The following IQSEC3 variants were observed in gnomAD, a reference collection of about 807,000 sequenced individuals.
The protein encoded by IQSEC3 is IQ motif and SEC7 domain-containing protein 3.
IQSEC3 carries 50 observed loss-of-function variants against 105.4 expected under a neutral mutation model. The observed-to-expected ratio is 0.47, with a 90% CI of 0.38 to 0.60. IQSEC3 has a LOEUF of 0.60. Ranked by LOEUF, IQSEC3 falls within the 20% of genes least tolerant of loss-of-function variation. The pLI, the probability that IQSEC3 is intolerant of heterozygous loss-of-function variation, is 0.00. For missense variants in IQSEC3, 1,415 were observed against 1,630.0 expected (o/e 0.87, Z 2.27); for synonymous variants, 708 against 746.0 (o/e 0.95, Z 0.83).
intron 2 of IQSEC3, among the ~76,000 whole-genome samples, chr12:110,826 A>G (rs1289641768): frequency 6.6e-6 from 1 of 152,176 alleles, no homozygotes; most frequent in East Asian, 1.9e-4. Context: ...TCACAAACCC[A>G]ACAAACCCAA....
intron 3 of IQSEC3, among the ~76,000 whole-genome samples, chr12:129,380 A>G (rs1198529665): frequency 6.6e-6 from 1 of 152,218 alleles, no homozygotes; most frequent in Non-Finnish European, 1.5e-5. Flanking sequence ...GAATGAAGGC[A>G]CAAGTGAATG....
chr12:153,537 A>G (rs1353091241), intron 5 of IQSEC3, among the ~76,000 whole-genome samples: 1 of 152,206 alleles, frequency 6.6e-6, no homozygotes, highest in Non-Finnish European at 1.5e-5. Context: ...CCTCCCTTCC[A>G]GCTAGGGATT....
At chr12:126,796 G>A (rs11064599) in intron 3 of IQSEC3, among the ~76,000 whole-genome samples, 65,219 of 152,010 alleles carry the variant, frequency 0.43, 14,112 homozygotes, top group Non-Finnish European at 0.44. Flanking sequence ...GTAGGTTCTA[G>A]AGAACAATTC....
chr12:165,801 C>A lies in IQSEC3; in HGVS notation c.2882C>A (p.Ala961Asp). ...SEKKQVLHFC[A>D]LGSDEMQKFV... Reference sequence around the variant, plus strand: ...AAGAAGCAGGTGCTGCATTTCTGTGCCCTGGGCTCGGACGAGATGCAGAAG... The same window carrying A: ...AAGAAGCAGGTGCTGCATTTCTGTGACCTGGGCTCGGACGAGATGCAGAAG... The change falls in exon 11 of 14, where the codon GCC becomes GAC. Residue 961 changes from alanine to aspartate, a missense_variant. By Grantham distance (126) the Ala-to-Asp change is moderately radical. Coordinates refer to ENST00000538872, the MANE Select transcript of IQSEC3 (RefSeq NM_001170738.2). 1 of 1,614,038 alleles carries A rather than the reference C, an allele frequency of 6.2e-7. No homozygotes were observed. The highest frequency in any genetic ancestry group is 8.5e-7 in the Non-Finnish European group (1 of 1,180,038).
intron 2 of IQSEC3, among the ~76,000 whole-genome samples, chr12:113,041 C>T (rs1223838299): frequency 6.6e-6 from 1 of 152,150 alleles, no homozygotes. Flanking sequence ...TCGTCTTGGG[C>T]AGTGCGGCCT....
chr12:139,135 C>G lies in IQSEC3; in HGVS notation c.1772C>G (p.Ala591Gly). The G allele has an allele frequency of 6.6e-7, 1 of 1,524,450 alleles. No homozygotes were observed. Among genetic ancestry groups the G allele is most frequent in the Non-Finnish European group, 8.8e-7 (1 of 1,133,598 alleles). The allele number at this position is 1,524,450 out of a possible 1,614,324, so 94.4% of individuals were successfully genotyped here. A position where few individuals can be genotyped will look rare whatever the true frequency, so the allele number is the denominator to read the frequency against. The change falls in exon 4 of 14, where the codon GCA (alanine) becomes GGA (glycine). Residue 591 changes from alanine to glycine, a missense_variant. By Grantham distance (60) the Ala-to-Gly change is moderately conservative (BLOSUM62 0). Coordinates refer to ENST00000538872, the MANE Select transcript of IQSEC3 (RefSeq NM_001170738.2). ...GTGGGGAGAGGGGCCGAGGCCGAGG[C>G]AGGCGACTTGGAGCAGCTGAGCAGC... ...AEVGRGAEAE[A>G]GDLEQLSSSS...
intron 2 of IQSEC3, among the ~76,000 whole-genome samples, chr12:121,004 A>C (rs1555081785): frequency 3.9e-5 from 6 of 152,106 alleles, no homozygotes. Flanking sequence ...TGCCACTCGG[A>C]ATGTTTCTGC....
chr12:161,133 T>G (rs1375964167), intron 7 of IQSEC3, among the ~76,000 whole-genome samples: 2 of 152,194 alleles, frequency 1.3e-5, no homozygotes, highest in East Asian at 1.9e-4. Context: ...GGGTGTCCTT[T>G]CAGTAGCTGG....
intron 13 of IQSEC3, among the ~76,000 whole-genome samples, chr12:172,418 A>AGCCCT (rs1174610663): frequency 1.3e-5 from 2 of 151,722 alleles, no homozygotes; most frequent in Non-Finnish European, 2.9e-5. Context: ...CTGTTCTGCC[A>AGCCCT]GCCCTGCCCT....
chr12:72,491 C>T (rs1277527438), intron 1 of IQSEC3, among the ~76,000 whole-genome samples: 8 of 139,402 alleles, frequency 5.7e-5, no homozygotes, highest in Admixed American at 5.1e-4. Flanking sequence ...TCTCAGTGGC[C>T]CTGGGCACAG....
At chr12:79,243 C>G (rs1238915253) in intron 1 of IQSEC3, among the ~76,000 whole-genome samples, 14 of 151,952 alleles carry the variant, frequency 9.2e-5, no homozygotes, top group African/African-American at 3.1e-4. Context: ...CCCCGCCTAG[C>G]TTTGGATGGT....
intron 3 of IQSEC3, among the ~76,000 whole-genome samples, chr12:136,683 C>T (rs977333449): frequency 3.3e-5 from 5 of 152,150 alleles, no homozygotes; most frequent in East Asian, 1.9e-4. Flanking sequence ...CCCGATTCTT[C>T]GTTCATTCGG....
rs1865365212 is a variant in IQSEC3, at chr12:125,661, G to A, written c.652G>A (p.Gly218Ser). The change falls in exon 3 of 14, where the codon GGC (glycine) becomes AGC (serine). Residue 218 changes from glycine to serine, a missense_variant. Physicochemically the swap from Gly to Ser is moderately conservative, Grantham distance 56. Coordinates refer to ENST00000538872, the MANE Select transcript of IQSEC3 (RefSeq NM_001170738.2). Reference sequence around the variant, plus strand: ...TGGCTCCTGCACCCAGGCCGGTGGGGGCATGGAGGACTCCGTGGTGGCAGC... The same window carrying A: ...TGGCTCCTGCACCCAGGCCGGTGGGAGCATGGAGGACTCCGTGGTGGCAGC... The part of the protein sequence containing the change: ...SDGSCTQAGG[G>S]MEDSVVAAAA... 2 of 1,533,798 alleles carry A rather than the reference G, an allele frequency of 1.3e-6. No individual in the cohort carries two copies. Among genetic ancestry groups the A allele is most frequent in the Non-Finnish European group, 1.7e-6 (2 of 1,152,200 alleles).
chr12:124,969 C>T (rs997923874), intron 2 of IQSEC3, among the ~76,000 whole-genome samples: 4 of 152,102 alleles, frequency 2.6e-5, no homozygotes, highest in Non-Finnish European at 5.9e-5. Flanking sequence ...GGGCAGGAAG[C>T]CTCCTCTTCA....
At chr12:150,577 C>T (rs1044223793) in intron 5 of IQSEC3, among the ~76,000 whole-genome samples, 9 of 152,130 alleles carry the variant, frequency 5.9e-5, no homozygotes, top group Non-Finnish European at 1.2e-4. Flanking sequence ...GCCAAGAAGA[C>T]GGTGTTTCCA....
intron 1 of IQSEC3, among the ~76,000 whole-genome samples, chr12:90,353 T>A (rs1591641492): frequency 6.6e-6 from 1 of 152,236 alleles, no homozygotes. Flanking sequence ...AACTTAGCAA[T>A]TTTTTTGTTT....
chr12:129,943 T>C (rs1264718834), intron 3 of IQSEC3, among the ~76,000 whole-genome samples: 1 of 152,116 alleles, frequency 6.6e-6, no homozygotes, highest in African/African-American at 2.4e-5. Flanking sequence ...GGTTTCCTCA[T>C]GTGTGAACCA....
intron 1 of IQSEC3, among the ~76,000 whole-genome samples, chr12:83,990 G>A (rs1565383267): frequency 6.6e-6 from 1 of 152,214 alleles, no homozygotes; most frequent in Non-Finnish European, 1.5e-5. Flanking sequence ...GCTCAAAGAG[G>A]TTAAGGTGAT....
chr12:124,517 C>T (rs1366551432), intron 2 of IQSEC3, among the ~76,000 whole-genome samples: 1 of 152,182 alleles, frequency 6.6e-6, no homozygotes, highest in Non-Finnish European at 1.5e-5. Context: ...CTAGGACCTC[C>T]TAAGGTAGGA....
Sources: allele counts gnomAD v4.1 joint callset (sites outside exome capture counted in the v4.1 genomes callset), GRCh38; gene constraint gnomAD v4.1.1; transcripts MANE v1.5; gene names NCBI Gene and HGNC (gene_info 2026-07-23, HGNC 2026-07-21).